The following PLCG2 variants were observed in gnomAD, a reference collection of about 807,000 sequenced individuals.
The protein encoded by PLCG2 is 1-phosphatidylinositol 4,5-bisphosphate phosphodiesterase gamma-2.
In PLCG2, 69 loss-of-function variants were observed where a neutral mutation model predicts 175.6. The ratio of observed to expected loss-of-function variants is 0.39; its 90% CI spans 0.32 to 0.48. The LOEUF (loss-of-function observed/expected upper bound fraction) is 0.48. PLCG2 is among the 20% of genes least tolerant of loss of function. PLCG2 has a pLI of 0.91. For synonymous variants in PLCG2, 827 were observed against 624.0 expected (o/e 1.33, Z -4.85); for missense variants, 1,798 against 1,650.9 (o/e 1.09, Z -1.54).
intron 1 of PLCG2, among the ~76,000 whole-genome samples, chr16:81,744,675 T>C (rs1488886530): frequency 1.3e-5 from 2 of 152,136 alleles, no homozygotes; most frequent in Admixed American, 6.5e-5. Context: ...TGGGCTCAAG[T>C]GATCTCCTAC....
At chr16:81,946,573 T>C (rs905281023) in intron 31 of PLCG2, among the ~76,000 whole-genome samples, 2 of 152,092 alleles carry the variant, frequency 1.3e-5, no homozygotes, top group African/African-American at 4.8e-5. Context: ...CCTTCCTAGA[T>C]AGACTCATCC....
At chr16:81,869,622 T>C (rs1907417570) in intron 6 of PLCG2, among the ~76,000 whole-genome samples, 1 of 152,238 alleles carries the variant, frequency 6.6e-6, no homozygotes, top group African/African-American at 2.4e-5. Context: ...GTGAAATGAA[T>C]GCATGTATGT....
At chr16:81,747,054 C>G (rs1909720929) in intron 1 of PLCG2, among the ~76,000 whole-genome samples, 1 of 152,152 alleles carries the variant, frequency 6.6e-6, no homozygotes, top group Non-Finnish European at 1.5e-5. Context: ...AAGCATATGA[C>G]AAGCTTCTGG....
At position 81,960,652 on chromosome 16, in the gene PLCG2, G is replaced by C. The variant is rs1911747295; in HGVS notation, c.*2654G>C. ...ATCTTTTTGCCAGAAGTGTCTCATGGGACTTATCTATAGTGGAACACATTT... is the reference window on the plus strand; with the variant it reads ...ATCTTTTTGCCAGAAGTGTCTCATGCGACTTATCTATAGTGGAACACATTT... On this transcript the variant is annotated 3_prime_UTR_variant, in exon 33 of 33. Transcript: ENST00000564138. 4.3e-6 allele frequency: 1 copy of C among 230,656 alleles called. No individual in the cohort carries two copies. The highest frequency in any genetic ancestry group is 5.7e-5 in the Admixed American group (1 of 17,674). The allele number at this position is 230,656 out of a possible 1,614,324, so 14.3% of individuals were successfully genotyped here. A position where few individuals can be genotyped will look rare whatever the true frequency, so the allele number is the denominator to read the frequency against.
intron 31 of PLCG2, among the ~76,000 whole-genome samples, chr16:81,950,913 G>T (rs997601760): frequency 6.6e-6 from 1 of 152,102 alleles, no homozygotes. Context: ...AGGAATAAAA[G>T]AGATAGAAAC....
chr16:81,872,664 G>T (rs1907574216), intron 7 of PLCG2, among the ~76,000 whole-genome samples: 1 of 152,224 alleles, frequency 6.6e-6, no homozygotes, highest in Non-Finnish European at 1.5e-5. Flanking sequence ...GTCAGGAAAG[G>T]GCTTTGCAGA....
upstream of PLCG2, among the ~76,000 whole-genome samples, chr16:81,778,026 A>AAAAAC (rs1910493176): frequency 2.4e-5 from 2 of 83,486 alleles, no homozygotes; most frequent in African/African-American, 9.8e-5. Context: ...CAAAAAAAAA[A>AAAAAC]AAAAACAAAA....
At chr16:81,791,986 C>T (rs555134803) in intron 2 of PLCG2, among the ~76,000 whole-genome samples, 60 of 152,312 alleles carry the variant, frequency 3.9e-4, no homozygotes, top group African/African-American at 1.4e-3. Context: ...TGCACCAACT[C>T]AGATCAGCAA....
rs1911667947 is a variant in PLCG2 at position 81,958,607 on chromosome 16, G to A, written c.*609G>A. 1 of 227,608 alleles carries A rather than the reference G, an allele frequency of 4.4e-6. No homozygotes were observed. Among genetic ancestry groups the A allele is most frequent in the Admixed American group, 5.7e-5 (1 of 17,598 alleles). 14.1% of individuals were successfully genotyped at this position (227,608 alleles called of 1,614,324 possible). On this transcript the variant is annotated 3_prime_UTR_variant, in exon 33 of 33. Coordinates refer to ENST00000564138, the MANE Select transcript of PLCG2 (RefSeq NM_002661.5). Reference sequence around the variant, plus strand: ...TTCATTAAGACAATTTCTAATTAATGGTGACAGCTTGTTTTGTGACTAGAG... The same window carrying A: ...TTCATTAAGACAATTTCTAATTAATAGTGACAGCTTGTTTTGTGACTAGAG...
chr16:81,956,718 C>A lies in PLCG2; in HGVS notation c.3594C>A (p.Ser1198=), dbSNP rs1278428331. The A allele has an allele frequency of 3.1e-6, 5 of 1,614,114 alleles. No individual in the cohort carries two copies. The highest frequency in any genetic ancestry group is 3.4e-6 in the Non-Finnish European group (4 of 1,179,996). The change falls in exon 32 of 33, where the codon TCC becomes TCA. Residue 1198 remains serine (S), a synonymous_variant. Transcript: ENST00000564138. Reference sequence around the variant, plus strand: ...AGGAGAGCGAAGAGGAACTTTACTCCTCCTGTCGCCAGCTGAGGAGGCGGC... The same window carrying A: ...AGGAGAGCGAAGAGGAACTTTACTCATCCTGTCGCCAGCTGAGGAGGCGGC... ...PVLESEEELY[S]SCRQLRRRQE...
In PLCG2 at chr16:81,956,929, G is replaced by T. The variant is rs371874218; in HGVS notation, c.3755+50G>T. The T allele has an allele frequency of 4.8e-6, 7 of 1,471,592 alleles. No homozygotes were observed. The East Asian group carries it at 6.8e-5, about 14-fold the overall frequency. The allele number at this position is 1,471,592 out of a possible 1,614,324, so 91.2% of individuals were successfully genotyped here. On this transcript the variant is annotated intron_variant, in intron 32 of 32. Transcript: ENST00000564138. ...AAACTTTTGGGGGGTCTCTAGGCAC[G>T]GTGATGATGGGCACCACGGGCCAGG...
chr16:81,793,175 G>C (rs931012253), intron 2 of PLCG2, among the ~76,000 whole-genome samples: 3 of 152,190 alleles, frequency 2.0e-5, no homozygotes, highest in Admixed American at 1.3e-4. Flanking sequence ...GCTTTCCAGG[G>C]GTGTTGGATA....
intron 19 of PLCG2, 122 bp downstream of exon 19, chr16:81,912,838 G>GACA: frequency 8.1e-7 from 1 of 1,231,012 alleles, no homozygotes; most frequent in South Asian, 1.6e-5. Context: ...CAGCATCAGC[G>GACA]ACAACAACAA....
intron 2 of PLCG2, among the ~76,000 whole-genome samples, chr16:81,829,885 G>C (rs1365884209): frequency 6.6e-6 from 1 of 151,844 alleles, no homozygotes; most frequent in African/African-American, 2.4e-5. Context: ...TGTATTTCCA[G>C]CCTCAGTAGT....
chr16:81,939,664 C>T (rs1175301425), intron 29 of PLCG2, among the ~76,000 whole-genome samples: 3 of 152,192 alleles, frequency 2.0e-5, no homozygotes, highest in Non-Finnish European at 4.4e-5. Flanking sequence ...GGGAGGTGGT[C>T]TCCTTCCTCT....
At chr16:81,859,055 G>C (rs1906829490) in intron 4 of PLCG2, 61 bp from the exon 5 acceptor site, 1 of 1,039,716 alleles carries the variant, frequency 9.6e-7, no homozygotes, top group East Asian at 2.4e-5. Context: ...GACTCACTTA[G>C]ACTTGTGCTA....
intron 1 of PLCG2, chr16:81,739,473 C>T (rs531419244): frequency 6.6e-6 from 1 of 152,196 alleles, no homozygotes; most frequent in East Asian, 1.9e-4. Context: ...TCTCTGGGAG[C>T]CCCCAGTATT....
upstream of PLCG2, among the ~76,000 whole-genome samples, chr16:81,777,526 G>A (rs890339975): frequency 4.0e-5 from 6 of 151,742 alleles, no homozygotes; most frequent in African/African-American, 1.5e-4. Flanking sequence ...GACTTCAAGT[G>A]GTTGATGTCA....
chr16:81,775,625 C>G (rs1396349347), upstream of PLCG2, among the ~76,000 whole-genome samples: 1 of 152,116 alleles, frequency 6.6e-6, no homozygotes, highest in South Asian at 2.1e-4. Flanking sequence ...GTCCAATGCA[C>G]CATGGCTGCC....
Sources: allele counts gnomAD v4.1 joint callset (sites outside exome capture counted in the v4.1 genomes callset), GRCh38; gene constraint gnomAD v4.1.1; transcripts MANE v1.5; gene names NCBI Gene and HGNC (gene_info 2026-07-23, HGNC 2026-07-21).